CRIM1: variants seen among roughly 807,000 people sequenced by gnomAD.
CRIM1 encodes the protein cysteine rich transmembrane BMP regulator 1, also known as cysteine-rich motor neuron 1 protein.
CRIM1 carries 32 observed loss-of-function variants against 116.4 expected under a neutral mutation model. That is an observed-to-expected ratio of 0.27 (90% CI 0.21 to 0.37). The LOEUF (loss-of-function observed/expected upper bound fraction) is 0.37, where lower values mean the gene tolerates loss of function less well. CRIM1 is among the 10% of genes least tolerant of loss of function. The pLI, the probability that CRIM1 is intolerant of heterozygous loss-of-function variation, is 1.00. For missense variants in CRIM1, 1,331 were observed against 1,354.8 expected (o/e 0.98, Z 0.28); for synonymous variants, 590 against 509.2 (o/e 1.16, Z -2.13).
At chr2:36,495,437 T>G (rs1680510072) in intron 7 of CRIM1, among the ~76,000 whole-genome samples, 1 of 152,022 alleles carries the variant, frequency 6.6e-6, no homozygotes, top group Non-Finnish European at 1.5e-5. Context: ...TTCACATACT[T>G]TGCTCACACT....
At chr2:36,460,670 T>C (rs1016229204) in intron 4 of CRIM1, among the ~76,000 whole-genome samples, 1 of 152,238 alleles carries the variant, frequency 6.6e-6, no homozygotes, top group Non-Finnish European at 1.5e-5. Context: ...CTCCTCACTT[T>C]CTTTTGTGTT....
intron 4 of CRIM1, among the ~76,000 whole-genome samples, chr2:36,462,933 C>T (rs1170923895): frequency 2.0e-5 from 3 of 152,174 alleles, no homozygotes; most frequent in African/African-American, 4.8e-5. Context: ...ATTTACTCAG[C>T]GCTAGAAAAT....
chr2:36,432,623 G>A (rs763340482), intron 2 of CRIM1, among the ~76,000 whole-genome samples: 2 of 152,070 alleles, frequency 1.3e-5, no homozygotes, highest in Non-Finnish European at 2.9e-5. Flanking sequence ...CTTCCTCCCA[G>A]GAAGCTCTGA....
In CRIM1 at chr2:36,548,789, TG is replaced by T. The variant is rs1667540557; in HGVS notation, c.*90del. The T allele has an allele frequency of 9.6e-7, 1 of 1,037,650 alleles. No individual in the cohort carries two copies. Among genetic ancestry groups the T allele is most frequent in the South Asian group, 1.6e-5 (1 of 60,916 alleles). 64.3% of individuals were successfully genotyped at this position (1,037,650 alleles called of 1,614,324 possible). A position where few individuals can be genotyped will look rare whatever the true frequency, so the allele number is the denominator to read the frequency against. ...AACTAGAATTTGTGCACTTGCTTAG[TG>T]GATTGTATTGGATTGTGACTTGATG... On this transcript the variant is annotated 3_prime_UTR_variant, in exon 17 of 17. Transcript: ENST00000280527.
intron 2 of CRIM1, among the ~76,000 whole-genome samples, chr2:36,434,254 G>A (rs2124911771): frequency 6.6e-6 from 1 of 152,278 alleles, no homozygotes; most frequent in South Asian, 2.1e-4. Flanking sequence ...CTAAGGCCAA[G>A]GAACAAGTGA....
At chr2:36,546,128 T>C (rs1667308365) in intron 15 of CRIM1, among the ~76,000 whole-genome samples, 1 of 152,212 alleles carries the variant, frequency 6.6e-6, no homozygotes, top group Non-Finnish European at 1.5e-5. Context: ...GAGTAACTCC[T>C]TTTGATACTG....
chr2:36,515,321 A>G (rs1161948870), intron 11 of CRIM1, among the ~76,000 whole-genome samples: 1 of 152,214 alleles, frequency 6.6e-6, no homozygotes, highest in African/African-American at 2.4e-5. Flanking sequence ...AGAGTCATGG[A>G]AAGTTCTTAC....
At chr2:36,379,097 G>C (rs770971728) in intron 1 of CRIM1, 3 of 152,082 alleles carry the variant, frequency 2.0e-5, no homozygotes, top group Non-Finnish European at 4.4e-5. Flanking sequence ...AAATATTTCT[G>C]TTGTCCATTG....
At chr2:36,404,692 TG>T (rs1672659503) in intron 2 of CRIM1, among the ~76,000 whole-genome samples, 1 of 152,216 alleles carries the variant, frequency 6.6e-6, no homozygotes, top group Non-Finnish European at 1.5e-5. Flanking sequence ...GAGCTTGCTT[TG>T]TTTTTTTGTT....
intron 13 of CRIM1, among the ~76,000 whole-genome samples, chr2:36,530,804 C>A (rs1160245318): frequency 1.3e-5 from 2 of 152,170 alleles, no homozygotes; most frequent in African/African-American, 4.8e-5. Flanking sequence ...AGAACCCAAA[C>A]TGTAATATCA....
At chr2:36,409,055 A>G (rs1465055935) in intron 2 of CRIM1, among the ~76,000 whole-genome samples, 3 of 152,186 alleles carry the variant, frequency 2.0e-5, no homozygotes, top group Non-Finnish European at 4.4e-5. Context: ...TTTTAATTAA[A>G]AAAGAAAATA....
intron 13 of CRIM1, among the ~76,000 whole-genome samples, chr2:36,531,409 T>C (rs562661459): frequency 6.6e-6 from 1 of 151,856 alleles, no homozygotes; most frequent in African/African-American, 2.4e-5. Flanking sequence ...TTTTTGTTTT[T>C]TTTTTTTTCC....
chr2:36,420,696 G>A (rs1413210667), intron 2 of CRIM1, among the ~76,000 whole-genome samples: 1 of 148,274 alleles, frequency 6.7e-6, no homozygotes, highest in East Asian at 1.9e-4. Context: ...TTGCCAGCTG[G>A]GGAAGCAGAG....
At chr2:36,501,456 C>T (rs1221095612) in intron 8 of CRIM1, among the ~76,000 whole-genome samples, 1 of 152,174 alleles carries the variant, frequency 6.6e-6, no homozygotes, top group Non-Finnish European at 1.5e-5. Flanking sequence ...TGGTGGCTCA[C>T]ACCTATAATC....
In CRIM1 at chr2:36,548,569, A is replaced by T. The variant is rs748372517; in HGVS notation, c.2979A>T (p.Lys993Asn). The T allele has an allele frequency of 1.2e-6, 2 of 1,602,944 alleles. No homozygotes were observed. Among genetic ancestry groups the T allele is most frequent in the East Asian group, 2.2e-5 (1 of 44,780 alleles). Reference protein sequence around the residue: ...NNQLVSVDCKKGTRVQVDSSQ... With the variant: ...NNQLVSVDCKNGTRVQVDSSQ... ...AGCTAGTATCTGTGGACTGCAAGAAAGGAACCAGAGTCCAGGTGGACAGTT... is the reference window on the plus strand; with the variant it reads ...AGCTAGTATCTGTGGACTGCAAGAATGGAACCAGAGTCCAGGTGGACAGTT... The change falls in exon 17 of 17, where the codon AAA becomes AAT. Residue 993 changes from lysine to asparagine, a missense_variant. By Grantham distance (94) the Lys-to-Asn change is moderately conservative. This residue lies in a region of CRIM1 where 283 missense variants were observed against 242.8 expected (regional missense o/e 1.17). Coordinates refer to ENST00000280527, the MANE Select transcript of CRIM1 (RefSeq NM_016441.3).
At chr2:36,506,438 A>G (rs115304719) in intron 8 of CRIM1, among the ~76,000 whole-genome samples, 327 of 152,200 alleles carry the variant, frequency 2.1e-3, no homozygotes, top group African/African-American at 6.8e-3. Context: ...ACAGCAAAGA[A>G]GTATGCAGTA....
At chr2:36,412,285 G>C (rs1344340082) in intron 2 of CRIM1, among the ~76,000 whole-genome samples, 1 of 148,610 alleles carries the variant, frequency 6.7e-6, no homozygotes, top group Non-Finnish European at 1.5e-5. Flanking sequence ...TGGGGGCGCA[G>C]GGGGTGGGGG....
rs1665103454 is a variant in CRIM1, at chr2:36,517,478, G to A, written c.2142G>A (p.Val714=). The A allele has an allele frequency of 1.9e-6, 3 of 1,614,224 alleles. No homozygotes were observed. Among genetic ancestry groups the A allele is most frequent in the African/African-American group, 1.3e-5 (1 of 75,076 alleles). The change falls in exon 12 of 17, where the codon GTG becomes GTA. Residue 714 remains valine (V), a synonymous_variant. Transcript: ENST00000280527. ...GACGGGTGCTGTGTGAGACAGAGGT[G>A]TGCCCACCGCTGCTCTGCCAGAACC... ...HSGRVLCETE[V]CPPLLCQNPS... is the part of the protein sequence containing the mutation.
At chr2:36,422,971 C>T (rs1005761507) in intron 2 of CRIM1, among the ~76,000 whole-genome samples, 8 of 152,148 alleles carry the variant, frequency 5.3e-5, no homozygotes, top group African/African-American at 1.9e-4. Context: ...GCTTTACTTT[C>T]TTTCAAATGA....
Sources: gnomAD v4.1 joint callset for allele counts (sites outside exome capture counted in the v4.1 genomes callset) on GRCh38, gnomAD v4.1.1 for gene constraint, gnomAD v4.1.1 regional missense constraint, MANE v1.5 for transcripts, NCBI Gene and HGNC (gene_info 2026-07-23, HGNC 2026-07-21) for gene names.